The following ZBTB38 variants were observed in gnomAD, a reference collection of about 807,000 sequenced individuals.
The protein encoded by ZBTB38 is zinc finger and BTB domain-containing protein 38.
A neutral mutation model predicts 76.8 loss-of-function variants in ZBTB38; 20 were observed. The observed-to-expected ratio is 0.26, with a 90% CI of 0.18 to 0.38. The LOEUF (loss-of-function observed/expected upper bound fraction) is 0.38. ZBTB38 is among the 10% of genes least tolerant of loss of function. The probability of loss-of-function intolerance (pLI) is 1.00; values close to 1 mark genes in which losing one functional copy is unlikely to be tolerated. For missense variants in ZBTB38, 1,082 were observed against 1,482.3 expected, an observed-to-expected ratio of 0.73 and a Z score of 4.43; for synonymous variants, 504 against 544.2, an observed-to-expected ratio of 0.93 and a Z score of 1.03.
At position 141,368,573 on chromosome 3, in the gene ZBTB38, C is replaced by T. The variant is rs972843899; in HGVS notation, c.-541C>T. Reference sequence around the variant, plus strand: ...GAGGCAACGGCCTTTCTCTTCCTCTCCATCTCCCTATAGCACACCTTTTAT... The same window carrying T: ...GAGGCAACGGCCTTTCTCTTCCTCTTCATCTCCCTATAGCACACCTTTTAT... On this transcript the variant is annotated 5_prime_UTR_variant, in exon 1 of 6. Transcript: ENST00000321464. 6.6e-6 allele frequency: 1 copy of T among 152,228 alleles called. No individual in the cohort carries two copies. Among genetic ancestry groups the T allele is most frequent in the Non-Finnish European group, 1.5e-5 (1 of 68,042 alleles). 9.4% of individuals were successfully genotyped at this position (152,228 alleles called of 1,614,324 possible). A position where few individuals can be genotyped will look rare whatever the true frequency, so the allele number is the denominator to read the frequency against.
rs2081263731 is a variant in ZBTB38, at chr3:141,448,482, G to T, written c.*2506G>T. On this transcript the variant is annotated 3_prime_UTR_variant, in exon 6 of 6. Coordinates refer to ENST00000321464, the MANE Select transcript of ZBTB38 (RefSeq NM_001376113.1). ...GAAAATTTTATTGAGTGATGTTTAA[G>T]TATGCATTGAGTACATGACCAACTA... The T allele has an allele frequency of 6.6e-6, 1 of 152,514 alleles. No individual in the cohort carries two copies. The highest frequency in any genetic ancestry group is 1.5e-5 in the Non-Finnish European group (1 of 68,002). The allele number at this position is 152,514 out of a possible 1,614,324, so 9.4% of individuals were successfully genotyped here.
rs191792192 is a variant in ZBTB38, at chr3:141,356,956, C to G, written c.-738-11665C>G. ...CTATAAATGTAATATCTGTTCATTG[C>G]AGAAAATAATTAGATCACTACCAAA... On this transcript the variant is annotated intron_variant, in intron 1 of 7. Coordinates refer to the ZBTB38 transcript ENST00000509842. Among the ~76,000 whole-genome samples, 344 of 152,236 alleles carry G rather than the reference C, an allele frequency of 2.3e-3. 3 individuals carry two copies. Among genetic ancestry groups the G allele is most frequent in the Non-Finnish European group, 9.3e-4 (63 of 67,990 alleles).
chr3:141,388,117 A>G (rs1947678417), intron 4 of ZBTB38: 1 of 152,114 alleles, frequency 6.6e-6, no homozygotes, highest in Admixed American at 6.5e-5. Flanking sequence ...TTTTTAAAAA[A>G]AAATCATATA....
At position 141,444,530 on chromosome 3, in the gene ZBTB38, C is replaced by T; in HGVS notation, c.2142C>T (p.Pro714=). 2 of 1,614,178 alleles carry T rather than the reference C, an allele frequency of 1.2e-6. No homozygotes were observed. Among genetic ancestry groups the T allele is most frequent in the Non-Finnish European group, 1.7e-6 (2 of 1,180,032 alleles). Residue 714 remains proline, a synonymous_variant, in exon 6 of 6, where the codon CCC becomes CCT. Coordinates refer to ENST00000321464, the MANE Select transcript of ZBTB38 (RefSeq NM_001376113.1). This position sits in a 1 kb window ranked among gnomAD's most constrained non-coding sequence, Gnocchi z 5.1. The part of the protein sequence containing the change: ...ASVISYSGSA[P]SVIVHSSQFS... ...TGATCAGCTACAGTGGCTCTGCACC[C>T]TCGGTCATTGTACACAGCAGCCAGT... is the stretch of plus-strand genomic sequence containing the variant.
intron 3 of ZBTB38, chr3:141,386,387 T>G (rs1470793342): frequency 2.0e-5 from 3 of 152,240 alleles, no homozygotes; most frequent in African/African-American, 7.2e-5. Flanking sequence ...GCAGATACAT[T>G]TAGCAGGATA....
chr3:141,373,786 G>A (rs940678737), intron 2 of ZBTB38, among the ~76,000 whole-genome samples: 2 of 152,194 alleles, frequency 1.3e-5, no homozygotes, highest in African/African-American at 2.4e-5. Context: ...ATAAGTAGGT[G>A]ATATATGCAA....
At chr3:141,419,666 A>G (rs2074905147) in intron 5 of ZBTB38, among the ~76,000 whole-genome samples, 1 of 152,118 alleles carries the variant, frequency 6.6e-6, no homozygotes, top group African/African-American at 2.4e-5. Context: ...TAGCATCGTA[A>G]GAAGGAAAAT....
rs371544268 is a variant in ZBTB38 at position 141,356,330 on chromosome 3, C to T, written c.-738-12291C>T. ...AGTGGCCCAGGGGTGAGAAGACAGA[C>T]GGCTCTTCCCTCGCCCAGCCTTGCA... On this transcript the variant is annotated intron_variant, in intron 1 of 7. Coordinates refer to the ZBTB38 transcript ENST00000509842. Among the ~76,000 whole-genome samples, 31 of 152,168 alleles carry T rather than the reference C, an allele frequency of 2.0e-4. 1 individual carries two copies. Among genetic ancestry groups the T allele is most frequent in the Non-Finnish European group, 3.2e-4 (22 of 67,996 alleles).
intron 1 of ZBTB38, among the ~76,000 whole-genome samples, chr3:141,333,516 G>C (rs550874697): frequency 1.3e-5 from 2 of 152,154 alleles, no homozygotes; most frequent in African/African-American, 4.8e-5. Flanking sequence ...TGGAGGCTCA[G>C]GTTGACCAGG....
At chr3:141,339,170 A>G (rs746425915) in intron 1 of ZBTB38, among the ~76,000 whole-genome samples, 7 of 152,152 alleles carry the variant, frequency 4.6e-5, no homozygotes, top group African/African-American at 7.2e-5. Context: ...GATATTCTGG[A>G]TATGTTCAGG....
intron 5 of ZBTB38, chr3:141,434,137 A>C (rs899576261): frequency 2.3e-5 from 22 of 951,510 alleles, no homozygotes; most frequent in African/African-American, 5.3e-5. Context: ...GAACAAATGC[A>C]TGATACCGTA....
intron 1 of ZBTB38, among the ~76,000 whole-genome samples, chr3:141,328,581 C>T (rs887527815): frequency 2.0e-5 from 3 of 152,178 alleles, no homozygotes; most frequent in East Asian, 1.9e-4. Flanking sequence ...AACCTCAGCA[C>T]CTTAGCCAGC....
chr3:141,414,389 G>A (rs981109008), intron 5 of ZBTB38, among the ~76,000 whole-genome samples: 1 of 152,142 alleles, frequency 6.6e-6, no homozygotes, highest in Non-Finnish European at 1.5e-5. Flanking sequence ...CAGAGCGTTG[G>A]GCTTGAAGCT....
upstream of ZBTB38, chr3:141,366,795 T>A (rs903348631): frequency 6.6e-6 from 1 of 152,186 alleles, no homozygotes; most frequent in Non-Finnish European, 1.5e-5. Context: ...TTTGTCTTCC[T>A]CTTGGAATGA....
At chr3:141,347,903 A>G (rs1454509294) in intron 1 of ZBTB38, among the ~76,000 whole-genome samples, 1 of 152,192 alleles carries the variant, frequency 6.6e-6, no homozygotes, top group Non-Finnish European at 1.5e-5. Context: ...CTGTGTAACC[A>G]AGTCTCTATA....
rs1260081175 is a variant in ZBTB38, at chr3:141,445,379, C to T, written c.2991C>T (p.Asn997=). ...CDGDKAVGAG[N]QGRPHRHLTS... ...GAGACAAAGCAGTGGGGGCTGGAAA[C>T]CAAGGAAGGCCCCACCGACATCTTA... is the stretch of plus-strand genomic sequence containing the variant. Residue 997 remains asparagine, a synonymous_variant, in exon 6 of 6, where the codon AAC becomes AAT. Transcript: ENST00000321464. The surrounding 1 kb of genome is among the most constrained non-coding windows in gnomAD (Gnocchi z 6.5). 2 of 1,613,938 alleles carry T rather than the reference C, an allele frequency of 1.2e-6. No homozygotes were observed. The highest frequency in any genetic ancestry group is 2.2e-5 in the East Asian group (1 of 44,886).
At chr3:141,335,440 C>T (rs1266855355) in intron 1 of ZBTB38, among the ~76,000 whole-genome samples, 2 of 152,198 alleles carry the variant, frequency 1.3e-5, no homozygotes, top group African/African-American at 4.8e-5. Context: ...GGCCTGAGTT[C>T]AGCTGAAAGC....
chr3:141,335,958 G>A (rs905241311), intron 1 of ZBTB38, among the ~76,000 whole-genome samples: 1 of 152,086 alleles, frequency 6.6e-6, no homozygotes, highest in East Asian at 1.9e-4. Context: ...AGTGTCAAAG[G>A]GTATGAAATT....
At position 141,443,568 on chromosome 3, in the gene ZBTB38, A is replaced by G. The variant is rs762150684; in HGVS notation, c.1180A>G (p.Met394Val). 3 of 1,614,124 alleles carry G rather than the reference A, an allele frequency of 1.9e-6. No individual in the cohort carries two copies. Among genetic ancestry groups the G allele is most frequent in the African/African-American group, 1.3e-5 (1 of 74,934 alleles). The change falls in exon 6 of 6, where the codon ATG becomes GTG. Residue 394 changes from methionine (M) to valine (V), a missense_variant. Physicochemically the swap from Met to Val is conservative, Grantham distance 21. Transcript: ENST00000321464. This position sits in a 1 kb window ranked among gnomAD's most constrained non-coding sequence, Gnocchi z 5.6. ...NRLDRHEQICMRSSHMPIPGG... is the reference protein window; with the variant it reads ...NRLDRHEQICVRSSHMPIPGG... ...GTTGGATCGGCATGAACAGATCTGCATGAGGTCAAGCCACATGCCCATTCC... is the reference window on the plus strand; with the variant it reads ...GTTGGATCGGCATGAACAGATCTGCGTGAGGTCAAGCCACATGCCCATTCC...
Sources: allele counts gnomAD v4.1 joint callset (sites outside exome capture counted in the v4.1 genomes callset), GRCh38; gene constraint gnomAD v4.1.1; non-coding constraint Gnocchi (gnomAD v3.1); transcripts MANE v1.5; gene names NCBI Gene and HGNC (gene_info 2026-07-23, HGNC 2026-07-21).